CLMP: variants seen among roughly 807,000 people sequenced by gnomAD.
The protein encoded by CLMP is CXADR-like membrane protein.
CLMP carries 27 observed loss-of-function variants against 45.2 expected under a neutral mutation model. The observed-to-expected ratio is 0.60, with a 90% CI of 0.44 to 0.82. The LOEUF (loss-of-function observed/expected upper bound fraction) is 0.82, where lower values mean the gene tolerates loss of function less well. Ranked by LOEUF, CLMP falls within the 40% of genes least tolerant of loss-of-function variation. CLMP has a pLI of 0.00. For synonymous variants in CLMP, 167 were observed against 171.4 expected, an observed-to-expected ratio of 0.97 and a Z score of 0.20; for missense variants, 403 against 448.4, an observed-to-expected ratio of 0.90 and a Z score of 0.91.
intron 1 of CLMP, among the ~76,000 whole-genome samples, chr11:123,190,432 T>C (rs1485693244): frequency 6.6e-6 from 1 of 152,206 alleles, no homozygotes; most frequent in Non-Finnish European, 1.5e-5. Context: ...ATTCAGAGAA[T>C]GTTACTGGTA....
intron 1 of CLMP, among the ~76,000 whole-genome samples, chr11:123,185,965 A>G (rs1163480210): frequency 1.3e-5 from 2 of 152,148 alleles, no homozygotes; most frequent in Non-Finnish European, 2.9e-5. Flanking sequence ...ACTGGGGGTG[A>G]GGAACTTGCA....
chr11:123,084,317 T>C (rs1010493273), intron 3 of CLMP, among the ~76,000 whole-genome samples, 195 bp downstream of exon 3: 2 of 152,216 alleles, frequency 1.3e-5, no homozygotes, highest in Admixed American at 6.5e-5. Context: ...AAAATTGCTC[T>C]TATATTTTCA....
chr11:123,117,236 T>C (rs1860731741), intron 1 of CLMP, among the ~76,000 whole-genome samples: 1 of 151,898 alleles, frequency 6.6e-6, no homozygotes, highest in Non-Finnish European at 1.5e-5. Flanking sequence ...TAAATATATA[T>C]GTATATATAT....
At position 123,073,441 on chromosome 11, in the gene CLMP, C is replaced by A. The variant is rs773154275; in HGVS notation, c.*33G>T. On this transcript the variant is annotated 3_prime_UTR_variant, in exon 7 of 7. Coordinates refer to ENST00000448775, the MANE Select transcript of CLMP (RefSeq NM_024769.5). ...GAGAAGAGTCCAAAGACCCTGACTC[C>A]TAGGAAAGCGTGGGAGTCAAGTCCA... 1.9e-6 allele frequency: 3 copies of A among 1,569,066 alleles called. No individual in the cohort carries two copies. The highest frequency in any genetic ancestry group is 2.6e-6 in the Non-Finnish European group (3 of 1,156,948).
chr11:123,136,881 TG>T (rs1412797927), intron 1 of CLMP, among the ~76,000 whole-genome samples: 6 of 152,098 alleles, frequency 3.9e-5, no homozygotes, highest in Non-Finnish European at 8.8e-5. Context: ...TTTGATTTTC[TG>T]AAAGTATAAC....
chr11:123,177,910 T>C (rs1256367648), intron 1 of CLMP, among the ~76,000 whole-genome samples: 1 of 152,222 alleles, frequency 6.6e-6, no homozygotes, highest in Non-Finnish European at 1.5e-5. Context: ...GGCTGGAGTC[T>C]GGAGTGCAGT....
intron 1 of CLMP, among the ~76,000 whole-genome samples, chr11:123,184,585 T>C (rs113779856): frequency 0.031 from 4,694 of 152,144 alleles, 224 homozygotes; most frequent in African/African-American, 0.1. Context: ...AAGGAGCTCC[T>C]GAATTGGCTC....
chr11:123,158,866 A>G (rs1364241841), intron 1 of CLMP, among the ~76,000 whole-genome samples: 2 of 152,226 alleles, frequency 1.3e-5, no homozygotes, highest in African/African-American at 4.8e-5. Context: ...CATTACTAAG[A>G]TTGAATAATA....
chr11:123,116,928 C>T (rs999561993), intron 1 of CLMP, among the ~76,000 whole-genome samples: 2 of 152,028 alleles, frequency 1.3e-5, no homozygotes, highest in Admixed American at 6.6e-5. Flanking sequence ...GCATGAACAA[C>T]GTTATAGTTT....
intron 2 of CLMP, among the ~76,000 whole-genome samples, chr11:123,089,930 CTT>C (rs1047895602): frequency 6.6e-6 from 1 of 151,220 alleles, no homozygotes; most frequent in Non-Finnish European, 1.5e-5. Context: ...AGAAACCCAT[CTT>C]TATTGAAAAT....
intron 1 of CLMP, among the ~76,000 whole-genome samples, chr11:123,113,219 T>C (rs1860667345): frequency 6.6e-6 from 1 of 152,186 alleles, no homozygotes; most frequent in Non-Finnish European, 1.5e-5. Context: ...CAGAGGTGAG[T>C]AACCTGGAGT....
chr11:123,092,579 AGCCACTGTGCCTG>A (rs1317404543), intron 2 of CLMP, among the ~76,000 whole-genome samples: 1 of 152,050 alleles, frequency 6.6e-6, no homozygotes, highest in African/African-American at 2.4e-5. Context: ...TACAGGCGTG[AGCCACTGTGCCTG>A]GCCACATTTT....
At chr11:123,095,514 C>T (rs1339589130) in intron 2 of CLMP, among the ~76,000 whole-genome samples, 1 of 152,164 alleles carries the variant, frequency 6.6e-6, no homozygotes, top group Non-Finnish European at 1.5e-5. Context: ...AGGTTATCCA[C>T]CCACCTTGGC....
intron 1 of CLMP, among the ~76,000 whole-genome samples, chr11:123,194,666 G>A (rs1331582235): frequency 6.6e-6 from 1 of 152,196 alleles, no homozygotes; most frequent in Admixed American, 6.5e-5. Context: ...CCGCCCTAAA[G>A]AGGACCCTGC....
At chr11:123,107,316 G>A (rs907111710) in intron 1 of CLMP, among the ~76,000 whole-genome samples, 3 of 151,598 alleles carry the variant, frequency 2.0e-5, no homozygotes, top group Non-Finnish European at 2.9e-5. Flanking sequence ...CCGAAACCTC[G>A]GCCTCCTGGG....
chr11:123,091,776 G>C (rs2135476108), intron 2 of CLMP, among the ~76,000 whole-genome samples: 1 of 152,304 alleles, frequency 6.6e-6, no homozygotes, highest in South Asian at 2.1e-4. Context: ...CTGTGTGATT[G>C]TTAGGGAGAA....
At chr11:123,194,208 G>T (rs894881602) in intron 1 of CLMP, among the ~76,000 whole-genome samples, 1 of 152,062 alleles carries the variant, frequency 6.6e-6, no homozygotes, top group Admixed American at 6.5e-5. Flanking sequence ...TTGCTCTGGA[G>T]CCTGTTTCAG....
chr11:123,153,182 G>A (rs1047429893), intron 1 of CLMP, among the ~76,000 whole-genome samples: 5 of 152,152 alleles, frequency 3.3e-5, no homozygotes, highest in African/African-American at 1.2e-4. Flanking sequence ...TTGCAGCAAG[G>A]CTGACATTCA....
chr11:123,120,848 C>T (rs66978038), intron 1 of CLMP, among the ~76,000 whole-genome samples: 12,173 of 151,948 alleles, frequency 0.08, 620 homozygotes, highest in Middle Eastern at 0.12. Flanking sequence ...TGTTTGGGGC[C>T]GGGCGCGGTG....
Sources: allele counts gnomAD v4.1 joint callset (sites outside exome capture counted in the v4.1 genomes callset), GRCh38; gene constraint gnomAD v4.1.1; transcripts MANE v1.5; gene names NCBI Gene and HGNC (gene_info 2026-07-23, HGNC 2026-07-21).